The following CHRM3 variants were observed in gnomAD, a reference collection of about 807,000 sequenced individuals.
CHRM3 encodes the protein cholinergic receptor muscarinic 3.
A neutral mutation model predicts 41.8 loss-of-function variants in CHRM3; 11 were observed. That is an observed-to-expected ratio of 0.26 (90% confidence interval 0.17 to 0.44). CHRM3 has a LOEUF of 0.44. Among genes scored for constraint, CHRM3 ranks in the 20% least tolerant of loss-of-function variants. The probability of loss-of-function intolerance (pLI) is 1.00; values close to 1 mark genes in which losing one functional copy is unlikely to be tolerated. For synonymous variants in CHRM3, 297 were observed against 301.4 expected, an observed-to-expected ratio of 0.99 and a Z score of 0.15; for missense variants, 571 against 745.4, an observed-to-expected ratio of 0.77 and a Z score of 2.72.
At chr1:239,446,747 G>T (rs918737331) in intron 1 of CHRM3, among the ~76,000 whole-genome samples, 1 of 152,124 alleles carries the variant, frequency 6.6e-6, no homozygotes, top group African/African-American at 2.4e-5. Flanking sequence ...TATGATAAAG[G>T]CAATGTGCAT....
chr1:239,709,068 T>A (rs1457818464), intron 5 of CHRM3, among the ~76,000 whole-genome samples: 1 of 152,150 alleles, frequency 6.6e-6, no homozygotes, highest in African/African-American at 2.4e-5. Context: ...TAAAACATAC[T>A]GTTTTCTATC....
intron 5 of CHRM3, chr1:239,705,665 A>G (rs1348355425): frequency 2.6e-5 from 4 of 152,130 alleles, no homozygotes; most frequent in Admixed American, 2.0e-4. Flanking sequence ...CCTCATTTTA[A>G]GGCGATTACC....
chr1:239,684,476 T>C lies in CHRM3; in HGVS notation c.-147+6188T>C, dbSNP rs533793440. Among the ~76,000 whole-genome samples, 28 of 151,760 alleles carry C rather than the reference T, an allele frequency of 1.8e-4. No homozygotes were observed. In the South Asian group the frequency reaches 5.6e-3, roughly 31 times the overall value. On this transcript the variant is annotated intron_variant, in intron 5 of 6. Coordinates refer to ENST00000676153, the MANE Select transcript of CHRM3 (RefSeq NM_001375978.1). The stretch of plus-strand genomic sequence containing the variant: ...TGGGAGGCCGAGGAGTGCGGATCAC[T>C]TGAGGTCAGGAGTTCGAGACCAGGC...
chr1:239,881,900 A>G (rs539721815), intron 6 of CHRM3, among the ~76,000 whole-genome samples: 1 of 150,606 alleles, frequency 6.6e-6, no homozygotes, highest in South Asian at 2.1e-4. Context: ...ATTACCTTCA[A>G]TGTATTCTTT....
At chr1:239,646,952 A>G (rs1671790096) in intron 4 of CHRM3, among the ~76,000 whole-genome samples, 2 of 152,198 alleles carry the variant, frequency 1.3e-5, no homozygotes, top group South Asian at 4.1e-4. Flanking sequence ...AAGGAAAACT[A>G]CGAATGGGAG....
At chr1:239,650,866 A>G (rs16832153) in intron 4 of CHRM3, among the ~76,000 whole-genome samples, 41,333 of 152,162 alleles carry the variant, frequency 0.27, 5,785 homozygotes, top group Admixed American at 0.3. Context: ...GTATTCAATT[A>G]TATAAAATAC....
At chr1:239,874,033 T>C (rs1371710061) in intron 6 of CHRM3, among the ~76,000 whole-genome samples, 2 of 151,760 alleles carry the variant, frequency 1.3e-5, no homozygotes, top group African/African-American at 2.4e-5. Flanking sequence ...TTGTTATCCT[T>C]ATAGGAACCT....
At chr1:239,639,156 G>GGTACCTTGTTACTGTACAAGGCTACCAT (rs1670815690) in intron 4 of CHRM3, among the ~76,000 whole-genome samples, 1 of 151,992 alleles carries the variant, frequency 6.6e-6, no homozygotes, top group South Asian at 2.1e-4. Context: ...ATGCTGTTTT[G>GGTACCTTGTTACTGTACAAGGCTACCAT]GTTACTGTAG....
chr1:239,782,574 A>G (rs528126), intron 5 of CHRM3, among the ~76,000 whole-genome samples: 128,289 of 152,044 alleles, frequency 0.84, 54,291 homozygotes, highest in East Asian at 0.87. Context: ...TTTAGTTGAT[A>G]TTCTCTACTG....
At chr1:239,889,461 T>C (rs757374241) in intron 6 of CHRM3, among the ~76,000 whole-genome samples, 2 of 152,152 alleles carry the variant, frequency 1.3e-5, no homozygotes, top group African/African-American at 2.4e-5. Context: ...GTAGCCCTTT[T>C]CTATTGGCAC....
chr1:239,404,455 A>AAAGC (rs1305709854), intron 1 of CHRM3, among the ~76,000 whole-genome samples: 2 of 138,884 alleles, frequency 1.4e-5, no homozygotes, highest in African/African-American at 2.8e-5. Context: ...AGAAAGAAAG[A>AAAGC]AAGAAAGAAA....
At chr1:239,709,176 T>C (rs546258152) in intron 5 of CHRM3, among the ~76,000 whole-genome samples, 1 of 152,306 alleles carries the variant, frequency 6.6e-6, no homozygotes, top group South Asian at 2.1e-4. Flanking sequence ...ACCCAAAGTT[T>C]TCAGACTGAA....
At chr1:239,463,790 T>C (rs967344448) in intron 1 of CHRM3, among the ~76,000 whole-genome samples, 1 of 152,220 alleles carries the variant, frequency 6.6e-6, no homozygotes, top group Non-Finnish European at 1.5e-5. Flanking sequence ...GTCTGCAACT[T>C]ATGCATCTTG....
At chr1:239,620,681 A>G (rs1217548095) in intron 3 of CHRM3, among the ~76,000 whole-genome samples, 1 of 152,142 alleles carries the variant, frequency 6.6e-6, no homozygotes, top group Non-Finnish European at 1.5e-5. Context: ...TATATATATT[A>G]TATACACACA....
At chr1:239,832,473 C>G (rs1044638766) in intron 6 of CHRM3, among the ~76,000 whole-genome samples, 1 of 152,020 alleles carries the variant, frequency 6.6e-6, no homozygotes, top group African/African-American at 2.4e-5. Flanking sequence ...CTAAGAAGCC[C>G]TCGTAGCCTT....
chr1:239,688,231 G>A (rs1356367497), intron 5 of CHRM3, among the ~76,000 whole-genome samples: 2 of 147,314 alleles, frequency 1.4e-5, no homozygotes, highest in African/African-American at 2.5e-5. Context: ...GCACATATAT[G>A]TATTATATAA....
intron 3 of CHRM3, among the ~76,000 whole-genome samples, chr1:239,623,484 T>TA (rs1491188123): frequency 0.039 from 1,037 of 26,908 alleles, 7 homozygotes; most frequent in Non-Finnish European, 0.048. Flanking sequence ...GGTGTATAAG[T>TA]TTTTTTTTTT....
At chr1:239,612,500 A>G (rs1667182296) in intron 3 of CHRM3, among the ~76,000 whole-genome samples, 1 of 152,148 alleles carries the variant, frequency 6.6e-6, no homozygotes. Context: ...TCAGACAGAT[A>G]AGAAAAAAAG....
chr1:239,601,367 A>T (rs1383899463), intron 3 of CHRM3, among the ~76,000 whole-genome samples: 3 of 152,188 alleles, frequency 2.0e-5, no homozygotes, highest in African/African-American at 7.2e-5. Context: ...ATCCACTGTG[A>T]TGGAAGTGGT....
Sources: allele counts gnomAD v4.1 joint callset (sites outside exome capture counted in the v4.1 genomes callset), GRCh38; gene constraint gnomAD v4.1.1; transcripts MANE v1.5; gene names NCBI Gene and HGNC (gene_info 2026-07-23, HGNC 2026-07-21).